Variants in GAB2 observed in about 807,000 individuals in gnomAD.
GAB2 encodes GRB2-associated-binding protein 2.
Under a neutral mutation model 65.5 loss-of-function variants are expected in GAB2, and 26 were observed. The ratio of observed to expected loss-of-function variants is 0.40; its 90% CI spans 0.29 to 0.55. The LOEUF (loss-of-function observed/expected upper bound fraction) is 0.55. Ranked by LOEUF, GAB2 falls within the 20% of genes least tolerant of loss-of-function variation. The probability of loss-of-function intolerance (pLI) is 0.53; values close to 1 mark genes in which losing one functional copy is unlikely to be tolerated. For missense variants in GAB2, 884 were observed against 875.8 expected, an observed-to-expected ratio of 1.01 and a Z score of -0.12; for synonymous variants, 321 against 329.6, an observed-to-expected ratio of 0.97 and a Z score of 0.28.
intron 1 of GAB2, among the ~76,000 whole-genome samples, chr11:78,384,516 G>C (rs951186336): frequency 1.3e-5 from 2 of 152,206 alleles, no homozygotes; most frequent in African/African-American, 2.4e-5. Flanking sequence ...TCCTGCCAAA[G>C]GGGACCCAGA....
chr11:78,357,997 T>A (rs1406029062), intron 1 of GAB2, among the ~76,000 whole-genome samples: 1 of 152,146 alleles, frequency 6.6e-6, no homozygotes, highest in African/African-American at 2.4e-5. Flanking sequence ...CATGTACATG[T>A]ATGTTTATTG....
At chr11:78,396,513 T>C (rs921138198) in intron 1 of GAB2, among the ~76,000 whole-genome samples, 4 of 152,234 alleles carry the variant, frequency 2.6e-5, no homozygotes, top group African/African-American at 4.8e-5. Context: ...TACAAATATA[T>C]GTTTAAAGTG....
At chr11:78,396,869 T>C (rs946890453) in intron 1 of GAB2, among the ~76,000 whole-genome samples, 2 of 152,198 alleles carry the variant, frequency 1.3e-5, no homozygotes, top group Non-Finnish European at 2.9e-5. Context: ...AGTGCTGAGA[T>C]CACAGGCGTG....
intron 1 of GAB2, among the ~76,000 whole-genome samples, chr11:78,346,312 T>C (rs1409069268): frequency 1.3e-5 from 2 of 152,102 alleles, no homozygotes; most frequent in African/African-American, 4.8e-5. Flanking sequence ...TATTCAGACT[T>C]TTTATGAGTA....
intron 1 of GAB2, among the ~76,000 whole-genome samples, chr11:78,372,782 T>C (rs1856588310): frequency 6.6e-6 from 1 of 152,226 alleles, no homozygotes; most frequent in Non-Finnish European, 1.5e-5. Context: ...TTCTCTCATA[T>C]AATATAGTTG....
chr11:78,336,285 T>C (rs906766306), intron 1 of GAB2, among the ~76,000 whole-genome samples: 1 of 118,222 alleles, frequency 8.5e-6, no homozygotes, highest in Non-Finnish European at 1.6e-5. Flanking sequence ...CTGCACTCAC[T>C]GCACTCACTC....
intron 3 of GAB2, among the ~76,000 whole-genome samples, chr11:78,229,835 C>A (rs2134477401): frequency 6.6e-6 from 1 of 152,336 alleles, no homozygotes; most frequent in South Asian, 2.1e-4. Context: ...TGGGCTGTGT[C>A]TGGAAGGCTT....
At chr11:78,342,957 G>A (rs1345026596) in intron 1 of GAB2, among the ~76,000 whole-genome samples, 1 of 152,122 alleles carries the variant, frequency 6.6e-6, no homozygotes, top group Non-Finnish European at 1.5e-5. Flanking sequence ...GCCCAGAAAA[G>A]TTTAGTGATT....
intron 3 of GAB2, among the ~76,000 whole-genome samples, chr11:78,245,854 T>A (rs1445999655): frequency 1.3e-5 from 2 of 152,240 alleles, no homozygotes; most frequent in Non-Finnish European, 2.9e-5. Context: ...TTTTCCTTTA[T>A]CTGAGAACGT....
intron 1 of GAB2, among the ~76,000 whole-genome samples, chr11:78,292,371 T>G (rs542746807): frequency 2.6e-5 from 4 of 152,336 alleles, no homozygotes; most frequent in Admixed American, 2.6e-4. Flanking sequence ...AAAAGATGAT[T>G]TGAGACCTTG....
intron 3 of GAB2, among the ~76,000 whole-genome samples, chr11:78,249,581 G>A (rs138830546): frequency 2.4e-4 from 36 of 152,302 alleles, no homozygotes; most frequent in African/African-American, 5.1e-4. Flanking sequence ...CTAGAACTTC[G>A]TTATGATGGA....
At chr11:78,247,527 T>C (rs1865331048) in intron 3 of GAB2, among the ~76,000 whole-genome samples, 1 of 152,218 alleles carries the variant, frequency 6.6e-6, no homozygotes, top group South Asian at 2.1e-4. Flanking sequence ...TATGGGTTAA[T>C]GTATACGGTT....
chr11:78,393,429 T>A (rs1265082618), intron 1 of GAB2, among the ~76,000 whole-genome samples: 1 of 152,136 alleles, frequency 6.6e-6, no homozygotes, highest in Non-Finnish European at 1.5e-5. Flanking sequence ...ATATTCAAAC[T>A]CAGTAGCAAT....
At chr11:78,257,080 C>T (rs1263751229) in intron 2 of GAB2, among the ~76,000 whole-genome samples, 1 of 152,000 alleles carries the variant, frequency 6.6e-6, no homozygotes, top group African/African-American at 2.4e-5. Context: ...TCCACAATCA[C>T]CCCTGGGAAG....
intron 2 of GAB2, among the ~76,000 whole-genome samples, chr11:78,258,132 T>C (rs1411480604): frequency 6.6e-6 from 1 of 152,190 alleles, no homozygotes; most frequent in Non-Finnish European, 1.5e-5. Context: ...TTGGATTAGA[T>C]CGGGGGTACA....
At chr11:78,274,516 A>G (rs1429408295) in intron 2 of GAB2, among the ~76,000 whole-genome samples, 1 of 152,166 alleles carries the variant, frequency 6.6e-6, no homozygotes, top group African/African-American at 2.4e-5. Flanking sequence ...ATCCATGGAG[A>G]AGCAGAAGCA....
rs956402255 is a variant in GAB2 at position 78,306,034 on chromosome 11, A to T, written c.76-25133T>A. Among the ~76,000 whole-genome samples, 107 of 152,240 alleles carry T rather than the reference A, an allele frequency of 7.0e-4. 1 individual carries two copies. Among genetic ancestry groups the T allele is most frequent in the Non-Finnish European group, 1.1e-3 (73 of 68,034 alleles). ...CAAGCCCAGCAGTTTAACGTCTAGA[A>T]TGCAAACCCCTATATTAAAACATCT... On this transcript the variant is annotated intron_variant, in intron 1 of 9. Coordinates refer to ENST00000361507, the MANE Select transcript of GAB2 (RefSeq NM_080491.3).
chr11:78,397,120 T>C (rs1856911955), intron 1 of GAB2, among the ~76,000 whole-genome samples: 2 of 152,296 alleles, frequency 1.3e-5, no homozygotes, highest in East Asian at 3.9e-4. Context: ...AAAACAAGTA[T>C]TAACAAAAAA....
rs1491252918 is a variant in GAB2 at position 78,215,438 on chromosome 11, A to ATATGTTACAATTT, written c.*3821_*3833dup. 6.6e-6 allele frequency: 1 copy of ATATGTTACAATTT among 152,640 alleles called. No homozygotes were observed. Among genetic ancestry groups the ATATGTTACAATTT allele is most frequent in the Non-Finnish European group, 1.5e-5 (1 of 68,044 alleles). 9.5% of individuals were successfully genotyped at this position (152,640 alleles called of 1,614,324 possible). On this transcript the variant is annotated 3_prime_UTR_variant, in exon 10 of 10. Coordinates refer to ENST00000361507, the MANE Select transcript of GAB2 (RefSeq NM_080491.3). ...CACTCCTGTCCCACCCACCGGATAA[A>ATATGTTACAATTT]TATGTTACAATTTAAAAAAAAGAAT... is the stretch of plus-strand genomic sequence containing the variant.
Sources: allele counts gnomAD v4.1 joint callset (sites outside exome capture counted in the v4.1 genomes callset), GRCh38; gene constraint gnomAD v4.1.1; transcripts MANE v1.5; gene names NCBI Gene and HGNC (gene_info 2026-07-23, HGNC 2026-07-21).